The following EML6 variants were observed in gnomAD, a reference collection of about 807,000 sequenced individuals.
EML6 encodes the protein EMAP like 6.
Under a neutral mutation model 240.1 loss-of-function variants are expected in EML6, and 154 were observed. That is an observed-to-expected ratio of 0.64 (90% CI 0.56 to 0.73). EML6 has a LOEUF of 0.73. Among genes scored for constraint, EML6 ranks in the 30% least tolerant of loss-of-function variants. The pLI is 0.00. For synonymous variants in EML6, 1,148 were observed against 899.0 expected, an observed-to-expected ratio of 1.28 and a Z score of -4.95; for missense variants, 2,964 against 2,474.6, an observed-to-expected ratio of 1.20 and a Z score of -4.20.
chr2:54,950,896 C>G (rs1282765976), intron 30 of EML6, 117 bp downstream of exon 30: 2 of 1,087,310 alleles, frequency 1.8e-6, no homozygotes, highest in South Asian at 1.6e-5. Flanking sequence ...CCATTCCCCC[C>G]AATTCCAGCA....
intron 10 of EML6, among the ~76,000 whole-genome samples, chr2:54,851,019 A>G (rs912585692): frequency 6.6e-6 from 1 of 152,252 alleles, no homozygotes; most frequent in Non-Finnish European, 1.5e-5. Context: ...ATTTATGACC[A>G]TATACACATG....
At position 54,816,868 on chromosome 2, in the gene EML6, A is replaced by G; in HGVS notation, c.439A>G (p.Thr147Ala). The change falls in exon 4 of 42, where the codon ACC becomes GCC. Residue 147 changes from threonine (T) to alanine (A), a missense_variant. Thr to Ala is a moderately conservative substitution (Grantham distance 58). Transcript: ENST00000356458. ...WRKGKLLASA[T>A]GHSDRIFDIS... ...GAAGGGAAAACTTCTGGCGTCAGCC[A>G]CCGGCCATTCTGACAGGGTAAGAAC... 6.4e-7 allele frequency: 1 copy of G among 1,551,154 alleles called. No individual in the cohort carries two copies. The highest frequency in any genetic ancestry group is 8.7e-7 in the Non-Finnish European group (1 of 1,146,490).
At chr2:54,846,975 G>A (rs1443702717) in intron 8 of EML6, among the ~76,000 whole-genome samples, 10 of 140,458 alleles carry the variant, frequency 7.1e-5, no homozygotes, top group South Asian at 2.3e-4. Context: ...GCTGGAGTGC[G>A]GTGGCAGGAT....
At chr2:54,961,184 G>GTTGTTTTTGTTTTTTTTT in intron 35 of EML6, among the ~76,000 whole-genome samples, 1 of 55,424 alleles carries the variant, frequency 1.8e-5, no homozygotes, top group Middle Eastern at 0.012. Context: ...TCAGGAAGTA[G>GTTGTTTTTGTTTTTTTTT]TTTTTTTTTT....
intron 7 of EML6, among the ~76,000 whole-genome samples, chr2:54,841,473 T>C (rs574172719): frequency 6.6e-6 from 1 of 152,218 alleles, no homozygotes; most frequent in South Asian, 2.1e-4. Flanking sequence ...CATTGGATCC[T>C]CTCGGGACCA....
intron 2 of EML6, among the ~76,000 whole-genome samples, chr2:54,750,327 A>G (rs552516196): frequency 1.2e-4 from 19 of 152,328 alleles, no homozygotes; most frequent in Middle Eastern, 6.8e-3. Flanking sequence ...CTTACTCACC[A>G]GCCAGTCTAC....
intron 28 of EML6, among the ~76,000 whole-genome samples, chr2:54,933,761 AC>A (rs1304945471): frequency 2.0e-5 from 3 of 151,138 alleles, no homozygotes; most frequent in Non-Finnish European, 4.4e-5. Context: ...CCCACTAAAA[AC>A]CCCCACTATC....
chr2:54,790,754 T>TA (rs1572900947), intron 2 of EML6, among the ~76,000 whole-genome samples: 1 of 145,758 alleles, frequency 6.9e-6, no homozygotes, highest in East Asian at 2.0e-4. Context: ...GAGACGGAGT[T>TA]ACGCTCTGTC....
intron 2 of EML6, among the ~76,000 whole-genome samples, chr2:54,785,563 A>C (rs755318167): frequency 8.5e-5 from 13 of 152,184 alleles, no homozygotes; most frequent in Admixed American, 1.3e-4. Flanking sequence ...TGTGCACTAT[A>C]GTTAATTTTA....
intron 2 of EML6, among the ~76,000 whole-genome samples, chr2:54,807,563 C>T (rs1670563350): frequency 6.6e-6 from 1 of 152,120 alleles, no homozygotes; most frequent in African/African-American, 2.4e-5. Context: ...GACTTCAAGC[C>T]ACCAATGTGA....
chr2:54,963,339 A>C (rs1413655183), intron 36 of EML6, among the ~76,000 whole-genome samples: 1 of 152,226 alleles, frequency 6.6e-6, no homozygotes. Flanking sequence ...TTCTGTAATT[A>C]TTTATTAAAC....
At chr2:54,848,807 C>T (rs1247142389) in intron 9 of EML6, among the ~76,000 whole-genome samples, 7 of 152,058 alleles carry the variant, frequency 4.6e-5, no homozygotes, top group Non-Finnish European at 8.8e-5. Flanking sequence ...AGAATCTGGT[C>T]AGAAACAAAA....
chr2:54,939,529 T>A (rs1675317516), intron 28 of EML6, among the ~76,000 whole-genome samples: 2 of 152,216 alleles, frequency 1.3e-5, no homozygotes, highest in South Asian at 4.1e-4. Context: ...CAGTAGCCCC[T>A]TGTGATATGC....
intron 2 of EML6, among the ~76,000 whole-genome samples, chr2:54,758,148 C>T (rs144769074): frequency 6.6e-6 from 1 of 152,214 alleles, no homozygotes; most frequent in East Asian, 1.9e-4. Flanking sequence ...TCTACACCTT[C>T]ATCTTTTTAT....
At chr2:54,948,754 C>A in intron 28 of EML6, 128 bp from the exon 29 acceptor site, 1 of 690,638 alleles carries the variant, frequency 1.4e-6, no homozygotes. Flanking sequence ...CTGAACAGAT[C>A]CAAGTGGAGG....
chr2:54,798,501 A>G (rs1669940383), intron 2 of EML6, among the ~76,000 whole-genome samples: 1 of 152,180 alleles, frequency 6.6e-6, no homozygotes, highest in Non-Finnish European at 1.5e-5. Flanking sequence ...TAAAGGAGCT[A>G]TACATCTTTT....
intron 2 of EML6, among the ~76,000 whole-genome samples, chr2:54,743,299 G>C (rs940449458): frequency 1.3e-5 from 2 of 152,226 alleles, no homozygotes; most frequent in Non-Finnish European, 2.9e-5. Context: ...GAGGAAAGCA[G>C]AGCACCTGGA....
At chr2:54,901,079 G>C (rs1349614021) in intron 22 of EML6, among the ~76,000 whole-genome samples, 1 of 152,186 alleles carries the variant, frequency 6.6e-6, no homozygotes, top group Non-Finnish European at 1.5e-5. Flanking sequence ...GGCTAATATG[G>C]CTGAGCCAAC....
At position 54,746,012 on chromosome 2, in the gene EML6, G is replaced by T. The variant is rs369868679; in HGVS notation, c.197+20754G>T. ...GCTGGAGCTGGTGGTGGAGGAAGTGGAGGTGGGGTCAACTGTGGAGCTGTG... is the reference window on the plus strand; with the variant it reads ...GCTGGAGCTGGTGGTGGAGGAAGTGTAGGTGGGGTCAACTGTGGAGCTGTG... On this transcript the variant is annotated intron_variant, in intron 2 of 41. Transcript: ENST00000356458. 2.0e-5 allele frequency among the ~76,000 whole-genome samples: 3 copies of T among 152,332 alleles called. No homozygotes were observed. In the South Asian group the frequency reaches 6.2e-4, roughly 32 times the overall value.
Sources: allele counts gnomAD v4.1 joint callset (sites outside exome capture counted in the v4.1 genomes callset), GRCh38; gene constraint gnomAD v4.1.1; transcripts MANE v1.5; gene names NCBI Gene and HGNC (gene_info 2026-07-23, HGNC 2026-07-21).